MICOS10: variants seen among roughly 807,000 people sequenced by gnomAD.
The protein encoded by MICOS10 is mitochondrial contact site and cristae organizing system subunit 10.
A neutral mutation model predicts 13.4 loss-of-function variants in MICOS10; 5 were observed. The ratio of observed to expected loss-of-function variants is 0.37; its 90% CI spans 0.20 to 0.78. The LOEUF (loss-of-function observed/expected upper bound fraction) is 0.78, where lower values mean the gene tolerates loss of function less well. MICOS10 is among the 30% of genes least tolerant of loss of function. MICOS10 has a pLI of 0.47. For missense variants in MICOS10, 101 were observed against 94.6 expected (o/e 1.07, Z -0.28); for synonymous variants, 35 against 33.6 (o/e 1.04, Z -0.15).
intron 2 of MICOS10, 70 bp downstream of exon 2, chr1:19,622,217 AG>A: frequency 3.1e-6 from 4 of 1,299,308 alleles, no homozygotes; most frequent in Non-Finnish European, 4.4e-6. Context: ...ACACTTCCAG[AG>A]GACACATTGG....
At chr1:19,597,251 C>T in intron 1 of MICOS10, 142 bp downstream of exon 1, 1 of 849,576 alleles carries the variant, frequency 1.2e-6, no homozygotes, top group African/African-American at 1.8e-5. Flanking sequence ...GGGCGAGCCG[C>T]CCGGGCCCCG....
chr1:19,600,149 T>G (rs2094808377), intron 1 of MICOS10, among the ~76,000 whole-genome samples: 1 of 152,194 alleles, frequency 6.6e-6, no homozygotes, highest in Admixed American at 6.5e-5. Flanking sequence ...GTATGATTGT[T>G]CTGGCAGAAT....
In MICOS10 at chr1:19,627,609, G is replaced by A. The variant is rs2094926141; in HGVS notation, c.*1208G>A. ...ACAGGCGACGGAATGCCTGCGCTGG[G>A]ACCCGAAGTTGACTGGGAATCCCAG... On this transcript the variant is annotated 3_prime_UTR_variant, in exon 4 of 4. Coordinates refer to ENST00000322753, the MANE Select transcript of MICOS10 (RefSeq NM_001032363.4). The A allele has an allele frequency of 6.6e-6, 1 of 152,226 alleles. No individual in the cohort carries two copies. The highest frequency in any genetic ancestry group is 2.1e-4 in the South Asian group (1 of 4,834). 9.4% of individuals were successfully genotyped at this position (152,226 alleles called of 1,614,324 possible).
intron 1 of MICOS10, among the ~76,000 whole-genome samples, chr1:19,603,014 A>G (rs1052564001): frequency 1.3e-5 from 2 of 152,108 alleles, no homozygotes; most frequent in Non-Finnish European, 2.9e-5. Flanking sequence ...TTGAGAATTT[A>G]TGAGCCCTAC....
chr1:19,611,482 T>TC, intron 1 of MICOS10, among the ~76,000 whole-genome samples: 1 of 145,252 alleles, frequency 6.9e-6, no homozygotes, highest in African/African-American at 2.7e-5. Context: ...TTTTTTTTTT[T>TC]TTTTTTTTTG....
chr1:19,625,910 G>A (rs2094920334), intron 3 of MICOS10, among the ~76,000 whole-genome samples: 1 of 152,134 alleles, frequency 6.6e-6, no homozygotes, highest in Non-Finnish European at 1.5e-5. Context: ...ACTGCCTCCT[G>A]AGTGCCCAAT....
At position 19,626,601 on chromosome 1, in the gene MICOS10, G is replaced by C; in HGVS notation, c.*200G>C. On this transcript the variant is annotated 3_prime_UTR_variant, in exon 4 of 4. Transcript: ENST00000322753. ...TCTCTCTGGAAGTTGTAAGGAGGTG[G>C]TCTTAAATAAATTAAACAAAAAGAG... The C allele has an allele frequency of 3.3e-6, 2 of 605,400 alleles. No homozygotes were observed. The highest frequency in any genetic ancestry group is 3.7e-5 in the African/African-American group (2 of 53,972). 37.5% of individuals were successfully genotyped at this position (605,400 alleles called of 1,614,324 possible).
At chr1:19,614,363 C>T (rs1210590020) in intron 1 of MICOS10, 1 of 148,402 alleles carries the variant, frequency 6.7e-6, no homozygotes, top group Non-Finnish European at 1.5e-5. Context: ...CACCTGCACA[C>T]ATACACACCC....
intron 1 of MICOS10, chr1:19,608,685 G>T: frequency 3.4e-6 from 2 of 583,404 alleles, no homozygotes; most frequent in East Asian, 2.9e-5. Context: ...AAAGATTTTG[G>T]GGAATACAAA....
Position 19,626,554 on chromosome 1 carries a change from G to C in MICOS10, c.*153G>C. On this transcript the variant is annotated 3_prime_UTR_variant, in exon 4 of 4. Coordinates refer to ENST00000322753, the MANE Select transcript of MICOS10 (RefSeq NM_001032363.4). ...CACCTGGTTATGCATTTGAAACCAA[G>C]TCTGTTTCTTGTTTTGTATTTTCTC... The C allele has an allele frequency of 1.3e-6, 1 of 776,450 alleles. No individual in the cohort carries two copies. The highest frequency in any genetic ancestry group is 2.1e-6 in the Non-Finnish European group (1 of 474,454). The allele number at this position is 776,450 out of a possible 1,614,324, so 48.1% of individuals were successfully genotyped here.
intron 2 of MICOS10, among the ~76,000 whole-genome samples, chr1:19,622,661 C>T (rs894052688): frequency 8.5e-5 from 13 of 152,104 alleles, no homozygotes; most frequent in South Asian, 2.1e-4. Context: ...GACCTCTTTC[C>T]GTGAAGAACC....
chr1:19,608,381 A>T (rs929160004), intron 1 of MICOS10: 2 of 1,251,638 alleles, frequency 1.6e-6, no homozygotes, highest in Non-Finnish European at 2.4e-6. Context: ...GGAGCTGGGT[A>T]TCATTGCCCT....
intron 1 of MICOS10, chr1:19,601,019 C>T: frequency 1.6e-6 from 2 of 1,287,342 alleles, no homozygotes; most frequent in Non-Finnish European, 2.0e-6. Flanking sequence ...TGTTTTGCTT[C>T]CAGGGTTCAC....
At chr1:19,614,944 T>C (rs2094878024) in intron 1 of MICOS10, among the ~76,000 whole-genome samples, 1 of 152,138 alleles carries the variant, frequency 6.6e-6, no homozygotes, top group Non-Finnish European at 1.5e-5. Flanking sequence ...CTGAGTGGAG[T>C]GCGTTCCCGT....
At chr1:19,607,912 C>T (rs917919729) in intron 1 of MICOS10, among the ~76,000 whole-genome samples, 2 of 152,066 alleles carry the variant, frequency 1.3e-5, no homozygotes, top group Non-Finnish European at 2.9e-5. Context: ...TAGACCCATA[C>T]ATACATGGTC....
At chr1:19,601,547 A>G (rs1171758007) in intron 1 of MICOS10, among the ~76,000 whole-genome samples, 1 of 151,202 alleles carries the variant, frequency 6.6e-6, no homozygotes, top group Non-Finnish European at 1.5e-5. Flanking sequence ...ACTGCACTCC[A>G]GCCCAGACGA....
At chr1:19,610,367 CTTTTTTT>C (rs773668659) in intron 1 of MICOS10, among the ~76,000 whole-genome samples, 2 of 11,914 alleles carry the variant, frequency 1.7e-4, no homozygotes, top group Non-Finnish European at 3.1e-4. Context: ...CACCCCCCGG[CTTTTTTT>C]TTTTTTTTTT....
intron 1 of MICOS10, among the ~76,000 whole-genome samples, chr1:19,621,492 T>C (rs1033906824): frequency 1.3e-5 from 2 of 152,088 alleles, no homozygotes; most frequent in African/African-American, 2.4e-5. Context: ...TACAGTAGCA[T>C]TGGAGTCTGG....
intron 1 of MICOS10, among the ~76,000 whole-genome samples, chr1:19,605,775 A>G (rs755354917): frequency 6.6e-6 from 1 of 152,124 alleles, no homozygotes; most frequent in Admixed American, 6.5e-5. Flanking sequence ...GCTGGTCTCA[A>G]ATTCCTGGGC....
Sources: gnomAD v4.1 joint callset for allele counts (sites outside exome capture counted in the v4.1 genomes callset) on GRCh38, gnomAD v4.1.1 for gene constraint, MANE v1.5 for transcripts, NCBI Gene and HGNC (gene_info 2026-07-23, HGNC 2026-07-21) for gene names.